Variants in BCHE observed in about 807,000 individuals in gnomAD.
BCHE encodes cholinesterase.
BCHE carries 48 observed loss-of-function variants against 51.3 expected under a neutral mutation model. The ratio of observed to expected loss-of-function variants is 0.94; its 90% CI spans 0.74 to 1.19. The LOEUF is 1.19. Ranked by LOEUF, BCHE falls within the 50% of genes most tolerant of loss-of-function variation. BCHE has a pLI of 0.00. For missense variants in BCHE, 847 were observed against 708.2 expected, an observed-to-expected ratio of 1.20 and a Z score of -2.23; for synonymous variants, 251 against 238.0, an observed-to-expected ratio of 1.05 and a Z score of -0.50.
Position 165,830,546 on chromosome 3 carries a change from C to A in BCHE, c.488G>T (p.Arg163Leu). 2 of 1,613,880 alleles carry A rather than the reference C, an allele frequency of 1.2e-6. No individual in the cohort carries two copies. The highest frequency in any genetic ancestry group is 1.7e-6 in the Non-Finnish European group (2 of 1,179,916). ...TGACACTACAATAACTCTTTCAACCCGAGCCAGAAACTTGCCATCATAAAC... is the reference window on the plus strand; with the variant it reads ...TGACACTACAATAACTCTTTCAACCAGAGCCAGAAACTTGCCATCATAAAC... ...LHVYDGKFLA[R>L]VERVIVVSMN... The change falls in exon 2 of 4, where the codon CGG becomes CTG. Residue 163 changes from arginine (R) to leucine (L), a missense_variant. Physicochemically the swap from Arg to Leu is moderately radical, Grantham distance 102. Transcript: ENST00000264381.
intron 2 of BCHE, among the ~76,000 whole-genome samples, chr3:165,811,675 T>C (rs1714102104): frequency 6.6e-6 from 1 of 152,032 alleles, no homozygotes; most frequent in South Asian, 2.1e-4. Context: ...AATATAATAA[T>C]TTAGAATAAT....
intron 2 of BCHE, among the ~76,000 whole-genome samples, chr3:165,797,402 T>C (rs905245683): frequency 1.2e-4 from 17 of 141,164 alleles, no homozygotes; most frequent in African/African-American, 4.6e-4. Context: ...CCTTTATTCA[T>C]TAGCTGGGCA....
chr3:165,788,070 A>G (rs1212440107), intron 2 of BCHE, among the ~76,000 whole-genome samples: 1 of 151,722 alleles, frequency 6.6e-6, no homozygotes. Context: ...CCTTCTGTAT[A>G]TTATTAATAG....
chr3:165,775,387 ACTT>A (rs1315308549), intron 3 of BCHE, among the ~76,000 whole-genome samples: 4 of 151,902 alleles, frequency 2.6e-5, no homozygotes, highest in Non-Finnish European at 5.9e-5. Context: ...GAATAATAGA[ACTT>A]CTATAAAGGG....
chr3:165,775,903 G>A (rs771090516), intron 3 of BCHE, among the ~76,000 whole-genome samples: 2 of 151,762 alleles, frequency 1.3e-5, no homozygotes, highest in East Asian at 1.9e-4. Flanking sequence ...AAAATTAAAC[G>A]TTTTCCTCTT....
intron 1 of BCHE, among the ~76,000 whole-genome samples, chr3:165,836,568 G>T (rs1468264328): frequency 6.6e-6 from 1 of 151,980 alleles, no homozygotes; most frequent in African/African-American, 2.4e-5. Context: ...CCTGGTTAAA[G>T]TGGAACTGAT....
rs1576671191 is a variant in BCHE, at chr3:165,829,991, C to A, written c.1043G>T (p.Gly348Val). 3.1e-6 allele frequency: 5 copies of A among 1,613,782 alleles called. No homozygotes were observed. The highest frequency in any genetic ancestry group is 2.5e-6 in the Non-Finnish European group (3 of 1,179,878). The part of the protein sequence containing the change: ...GQFKKTQILV[G>V]VNKDEGTAFL... Reference sequence around the variant, plus strand: ...AGCTGTCCCTTCATCTTTATTAACACCCACCAAAATCTGGGTTTTTTTAAA... The same window carrying A: ...AGCTGTCCCTTCATCTTTATTAACAACCACCAAAATCTGGGTTTTTTTAAA... The change falls in exon 2 of 4, where the codon GGT becomes GTT. Residue 348 changes from glycine to valine, a missense_variant. Physicochemically the swap from Gly to Val is moderately radical, Grantham distance 109. Coordinates refer to ENST00000264381, the MANE Select transcript of BCHE (RefSeq NM_000055.4).
chr3:165,773,892 A>T (rs1314349010), intron 3 of BCHE, among the ~76,000 whole-genome samples: 2 of 152,112 alleles, frequency 1.3e-5, no homozygotes, highest in African/African-American at 4.8e-5. Flanking sequence ...TCATTTACAT[A>T]TATAGTTATA....
At chr3:165,804,623 T>C (rs1713804790) in intron 2 of BCHE, among the ~76,000 whole-genome samples, 1 of 152,038 alleles carries the variant, frequency 6.6e-6, no homozygotes, top group Non-Finnish European at 1.5e-5. Flanking sequence ...TAATTTTGGG[T>C]TTTGTTTTCT....
chr3:165,781,685 C>T (rs1020248645), intron 3 of BCHE, among the ~76,000 whole-genome samples: 1 of 151,936 alleles, frequency 6.6e-6, no homozygotes, highest in Non-Finnish European at 1.5e-5. Context: ...CTCAACAAGC[C>T]GCCATGACAC....
At chr3:165,827,918 T>C in intron 2 of BCHE, 1 of 378,346 alleles carries the variant, frequency 2.6e-6, no homozygotes, top group South Asian at 1.9e-5. Flanking sequence ...TAATATTTTT[T>C]ACTCATACTA....
intron 2 of BCHE, among the ~76,000 whole-genome samples, chr3:165,808,796 G>C (rs1713970229): frequency 6.6e-6 from 1 of 152,116 alleles, no homozygotes; most frequent in South Asian, 2.1e-4. Flanking sequence ...CTATACTGTG[G>C]TTACTTTATT....
At chr3:165,803,755 G>T (rs1397715514) in intron 2 of BCHE, among the ~76,000 whole-genome samples, 1 of 152,114 alleles carries the variant, frequency 6.6e-6, no homozygotes, top group South Asian at 2.1e-4. Context: ...CTGAAGTGGG[G>T]AAGTATGTGA....
intron 3 of BCHE, among the ~76,000 whole-genome samples, chr3:165,779,964 A>G (rs958280544): frequency 6.6e-6 from 1 of 152,214 alleles, no homozygotes; most frequent in Non-Finnish European, 1.5e-5. Flanking sequence ...AACAATCTTA[A>G]GCAAAAAGAA....
At chr3:165,834,454 T>C (rs1715113090) in intron 1 of BCHE, among the ~76,000 whole-genome samples, 1 of 152,006 alleles carries the variant, frequency 6.6e-6, no homozygotes. Flanking sequence ...GAGTGTCATA[T>C]GACATATTAT....
Position 165,773,410 on chromosome 3 carries a change from C to A in BCHE, c.1781G>T (p.Ser594Ile), listed in dbSNP as rs142859898. The A allele has an allele frequency of 4.3e-5, 70 of 1,610,656 alleles. No individual in the cohort carries two copies. The African/African-American group carries it at 8.3e-4, about 19-fold the overall frequency. The change falls in exon 4 of 4, where the codon AGC (serine) becomes ATC (isoleucine). Residue 594 changes from serine to isoleucine, a missense_variant. By Grantham distance (142) the Ser-to-Ile change is moderately radical. Coordinates refer to ENST00000264381, the MANE Select transcript of BCHE (RefSeq NM_000055.4). Reference sequence around the variant, plus strand: ...GAGACCCACACAACTTTCTTTCTTGCTAGTGTAATCGTTAAATTGATTTTT... The same window carrying A: ...GAGACCCACACAACTTTCTTTCTTGATAGTGTAATCGTTAAATTGATTTTT... ...DWKNQFNDYTSKKESCVGL is the reference protein window; with the variant it reads ...DWKNQFNDYTIKKESCVGL
intron 2 of BCHE, among the ~76,000 whole-genome samples, chr3:165,809,100 T>C (rs1040857721): frequency 1.6e-4 from 24 of 152,176 alleles, no homozygotes; most frequent in African/African-American, 5.3e-4. Context: ...TCCATATGTA[T>C]TTCTCAAAAT....
intron 2 of BCHE, among the ~76,000 whole-genome samples, chr3:165,788,582 A>G (rs1713050034): frequency 6.6e-6 from 1 of 152,114 alleles, no homozygotes; most frequent in Admixed American, 6.6e-5. Context: ...TTAAACCAGG[A>G]GAACCGATGG....
intron 2 of BCHE, among the ~76,000 whole-genome samples, chr3:165,818,853 G>C (rs958191615): frequency 6.6e-6 from 1 of 152,054 alleles, no homozygotes; most frequent in African/African-American, 2.4e-5. Flanking sequence ...ACCATGTGAG[G>C]AAGGTTTTAT....
Sources: gnomAD v4.1 joint callset for allele counts (sites outside exome capture counted in the v4.1 genomes callset) on GRCh38, gnomAD v4.1.1 for gene constraint, MANE v1.5 for transcripts, NCBI Gene and HGNC (gene_info 2026-07-23, HGNC 2026-07-21) for gene names.